Variants in E2F7 observed in about 807,000 individuals in gnomAD.
The protein encoded by E2F7 is transcription factor E2F7.
Under a neutral mutation model 81.1 loss-of-function variants are expected in E2F7, and 35 were observed. The ratio of observed to expected loss-of-function variants is 0.43; its 90% confidence interval spans 0.33 to 0.57. The LOEUF (loss-of-function observed/expected upper bound fraction) is 0.57. Ranked by LOEUF, E2F7 falls within the 20% of genes least tolerant of loss-of-function variation. The pLI, the probability that E2F7 is intolerant of heterozygous loss-of-function variation, is 0.04. For missense variants in E2F7, 961 were observed against 1,093.7 expected, an observed-to-expected ratio of 0.88 and a Z score of 1.71; for synonymous variants, 416 against 416.2, an observed-to-expected ratio of 1.00 and a Z score of 0.01.
chr12:77,044,292 T>TG, intron 6 of E2F7: 1 of 461,920 alleles, frequency 2.2e-6, no homozygotes, highest in Non-Finnish European at 4.3e-6. Context: ...ATGCAGGGGG[T>TG]GGGGAAAAAA....
At chr12:77,026,198 T>C (rs1055404985) in intron 11 of E2F7, among the ~76,000 whole-genome samples, 1 of 152,216 alleles carries the variant, frequency 6.6e-6, no homozygotes, top group Non-Finnish European at 1.5e-5. Context: ...GATCATTTAG[T>C]TGGTGCCTGT....
rs558193177 is a variant in E2F7 at position 77,024,121 on chromosome 12, G to A, written c.2630C>T (p.Pro877Leu). 1 of 1,613,926 alleles carries A rather than the reference G, an allele frequency of 6.2e-7. No homozygotes were observed. Among genetic ancestry groups the A allele is most frequent in the South Asian group, 1.1e-5 (1 of 91,044 alleles). ...CAGGACAGGGTCTCCAAGGCTGCCG[G>A]GTGTCTTGAAAAACGTCTCACGATG... The part of the protein sequence containing the change: ...RTHRETFFKT[P>L]GSLGDPVLKR... Residue 877 changes from proline to leucine, a missense_variant, in exon 13 of 13, where the codon CCC (proline) becomes CTC (leucine). Physicochemically the swap from Pro to Leu is moderately conservative, Grantham distance 98. Transcript: ENST00000322886.
intron 3 of E2F7, 137 bp from the exon 4 acceptor site, chr12:77,050,881 C>G: frequency 1.2e-6 from 1 of 830,240 alleles, no homozygotes; most frequent in South Asian, 2.1e-5. Context: ...AATACATTTC[C>G]TAATCTAATT....
chr12:77,023,897 A>C lies in E2F7; in HGVS notation c.*118T>G. 1 of 1,214,300 alleles carries C rather than the reference A, an allele frequency of 8.2e-7. No homozygotes were observed. The highest frequency in any genetic ancestry group is 1.2e-6 in the Non-Finnish European group (1 of 868,696). The allele number at this position is 1,214,300 out of a possible 1,614,324, so 75.2% of individuals were successfully genotyped here. ...TTGATGGTGGTGGGAAGTTAACAGA[A>C]GTGTGGATGAAAGAGAGAGGAAGGA... On this transcript the variant is annotated 3_prime_UTR_variant, in exon 13 of 13. Transcript: ENST00000322886.
chr12:77,059,366 A>T (rs1402948390), intron 2 of E2F7, among the ~76,000 whole-genome samples: 1 of 152,196 alleles, frequency 6.6e-6, no homozygotes, highest in Non-Finnish European at 1.5e-5. Context: ...ACTGCAATGG[A>T]AACCTGATTT....
chr12:77,025,936 AG>A lies in E2F7; in HGVS notation c.2186del (p.Pro729LeufsTer53). 1 of 1,613,550 alleles carries A rather than the reference AG, an allele frequency of 6.2e-7. No individual in the cohort carries two copies. Among genetic ancestry groups the A allele is most frequent in the Non-Finnish European group, 8.5e-7 (1 of 1,179,734 alleles). ...NVLLSGSQTP[P>X]TVGPSSGQLP... ...GCTGACCTGAGGACGGGCCCACAGTAGGGGGGGTTTGACTGCCAGATAAAAG... is the reference window on the plus strand; with the variant it reads ...GCTGACCTGAGGACGGGCCCACAGTAGGGGGGTTTGACTGCCAGATAAAAG... On this transcript the variant is annotated frameshift_variant, in exon 12 of 13. Coordinates refer to ENST00000322886, the MANE Select transcript of E2F7 (RefSeq NM_203394.3). LOFTEE classifies it high-confidence loss of function.
intron 2 of E2F7, among the ~76,000 whole-genome samples, chr12:77,056,682 G>T (rs909696694): frequency 2.0e-5 from 3 of 152,098 alleles, no homozygotes; most frequent in East Asian, 3.9e-4. Context: ...TAAAGGACTC[G>T]TTTTTTTAGA....
chr12:77,028,796 G>A (rs895999560), intron 10 of E2F7, among the ~76,000 whole-genome samples: 8 of 152,172 alleles, frequency 5.3e-5, no homozygotes, highest in African/African-American at 1.9e-4. Flanking sequence ...CTTAATAACA[G>A]CTTTCTTAAT....
chr12:77,043,834 G>A (rs2120693646), intron 6 of E2F7, among the ~76,000 whole-genome samples: 1 of 152,272 alleles, frequency 6.6e-6, no homozygotes, highest in East Asian at 1.9e-4. Flanking sequence ...TACTCAGAAG[G>A]GGTGGTAGCA....
intron 7 of E2F7, among the ~76,000 whole-genome samples, chr12:77,035,723 G>A (rs1369185627): frequency 1.3e-5 from 2 of 152,052 alleles, no homozygotes; most frequent in African/African-American, 4.8e-5. Context: ...CCCACAATGA[G>A]GAGAAAAATC....
intron 2 of E2F7, among the ~76,000 whole-genome samples, chr12:77,058,940 G>A (rs1340177879): frequency 4.6e-5 from 7 of 152,054 alleles, no homozygotes; most frequent in Admixed American, 4.6e-4. Context: ...GCAATTTTTG[G>A]CACAATGCGT....
At chr12:77,059,069 A>G (rs1217824838) in intron 2 of E2F7, among the ~76,000 whole-genome samples, 1 of 152,174 alleles carries the variant, frequency 6.6e-6, no homozygotes, top group East Asian at 1.9e-4. Flanking sequence ...TGCCTTCTCC[A>G]TTGCTTCCAA....
rs970854117 is a variant in E2F7 at position 77,056,006 on chromosome 12, A to G, written c.218T>C (p.Val73Ala). ...ERNPITPVKF[V>A]DRQQAEPWTP... ...CCATGGTTCCGCTTGCTGTCTGTCA[A>G]CAAACTTAACTGGAGTAATGGGATT... is the stretch of plus-strand genomic sequence containing the variant. Residue 73 changes from valine (V) to alanine (A), a missense_variant, in exon 3 of 13, where the codon GTT becomes GCT. Around this residue, in one of 3 missense-constraint regions of E2F7, gnomAD observed 301 missense variants for 405.0 expected, o/e 0.74. Coordinates refer to ENST00000322886, the MANE Select transcript of E2F7 (RefSeq NM_203394.3). The G allele has an allele frequency of 1.2e-6, 2 of 1,614,210 alleles. No homozygotes were observed. The highest frequency in any genetic ancestry group is 1.1e-5 in the South Asian group (1 of 91,082).
At chr12:77,033,163 C>T (rs1954819881) in intron 8 of E2F7, 41 bp from the exon 9 acceptor site, 1 of 1,531,168 alleles carries the variant, frequency 6.5e-7, no homozygotes, top group Non-Finnish European at 9.0e-7. Context: ...TAGCAAGAGA[C>T]TTATACATAC....
At chr12:77,045,195 T>A (rs1468394371) in intron 5 of E2F7, among the ~76,000 whole-genome samples, 1 of 152,212 alleles carries the variant, frequency 6.6e-6, no homozygotes, top group African/African-American at 2.4e-5. Context: ...AAAAACTCCA[T>A]TTTTATTTCT....
chr12:77,047,790 T>C (rs1302931557), intron 4 of E2F7, among the ~76,000 whole-genome samples: 2 of 152,212 alleles, frequency 1.3e-5, no homozygotes, highest in African/African-American at 4.8e-5. Context: ...CGGTGCCAGA[T>C]GCCTGCCGGA....
intron 8 of E2F7, 102 bp from the exon 9 acceptor site, chr12:77,033,224 A>G: frequency 9.5e-7 from 1 of 1,052,526 alleles, no homozygotes; most frequent in Non-Finnish European, 1.4e-6. Context: ...TCTCAGCTCA[A>G]AGATTACTCA....
intron 7 of E2F7, among the ~76,000 whole-genome samples, chr12:77,042,832 T>A (rs1355074318): frequency 6.6e-6 from 1 of 152,214 alleles, no homozygotes; most frequent in Non-Finnish European, 1.5e-5. Context: ...AATTAGTAGT[T>A]ACAGAAACTC....
chr12:77,022,482 G>T lies in E2F7; in HGVS notation c.*1533C>A, dbSNP rs895105048. On this transcript the variant is annotated 3_prime_UTR_variant, in exon 13 of 13. Transcript: ENST00000322886. Reference sequence around the variant, plus strand: ...AATATTATCCTGTAGTTAATATAAAGCTACTTTATTCAGACTCCCAGAGTC... The same window carrying T: ...AATATTATCCTGTAGTTAATATAAATCTACTTTATTCAGACTCCCAGAGTC... 3.3e-5 allele frequency: 5 copies of T among 152,432 alleles called. No homozygotes were observed. Among genetic ancestry groups the T allele is most frequent in the Non-Finnish European group, 5.9e-5 (4 of 68,000 alleles). The allele number at this position is 152,432 out of a possible 1,614,324, so 9.4% of individuals were successfully genotyped here.
Sources: gnomAD v4.1 joint callset for allele counts (sites outside exome capture counted in the v4.1 genomes callset) on GRCh38, gnomAD v4.1.1 for gene constraint, gnomAD v4.1.1 regional missense constraint, MANE v1.5 for transcripts, NCBI Gene and HGNC (gene_info 2026-07-23, HGNC 2026-07-21) for gene names.